The following PPP2R5E variants were observed in gnomAD, a reference collection of about 807,000 sequenced individuals.
PPP2R5E encodes the protein serine/threonine-protein phosphatase 2A 56 kDa regulatory subunit epsilon isoform.
PPP2R5E carries 4 observed loss-of-function variants against 65.3 expected under a neutral mutation model. The ratio of observed to expected loss-of-function variants is 0.06; its 90% CI spans 0.03 to 0.14. The LOEUF is 0.14. Among genes scored for constraint, PPP2R5E ranks in the 10% least tolerant of loss-of-function variants. The pLI, the probability that PPP2R5E is intolerant of heterozygous loss-of-function variation, is 1.00. For missense variants in PPP2R5E, 274 were observed against 556.1 expected, an observed-to-expected ratio of 0.49 and a Z score of 5.10; for synonymous variants, 183 against 187.4, an observed-to-expected ratio of 0.98 and a Z score of 0.19.
intron 2 of PPP2R5E, among the ~76,000 whole-genome samples, chr14:63,512,078 TAAAAAAAAA>T (rs57623942): frequency 6.9e-5 from 6 of 87,084 alleles, no homozygotes; most frequent in South Asian, 8.2e-4. Flanking sequence ...GACTCTGCGG[TAAAAAAAAA>T]AAAAAAAAAA....
Position 63,373,283 on chromosome 14 carries a change from G to A in PPP2R5E, c.*2726C>T, listed in dbSNP as rs922181405. On this transcript the variant is annotated 3_prime_UTR_variant, in exon 14 of 14. Transcript: ENST00000337537. Reference sequence around the variant, plus strand: ...AAAAATATATTTATATATAGTTCTGGAAATTATGAAGCAAACAAAATATAA... The same window carrying A: ...AAAAATATATTTATATATAGTTCTGAAAATTATGAAGCAAACAAAATATAA... 37 of 152,146 alleles carry A rather than the reference G, an allele frequency of 2.4e-4. No individual in the cohort carries two copies. The highest frequency in any genetic ancestry group is 7.5e-4 in the African/African-American group (31 of 41,432). 9.4% of individuals were successfully genotyped at this position (152,146 alleles called of 1,614,324 possible).
intron 2 of PPP2R5E, among the ~76,000 whole-genome samples, chr14:63,521,988 T>C (rs1265983091): frequency 8.6e-6 from 1 of 116,950 alleles, no homozygotes; most frequent in Non-Finnish European, 1.7e-5. Flanking sequence ...CTCCCTCTGA[T>C]ACCGAGCCGA....
chr14:63,461,640 T>TAAAAAACAAAA (rs1889467819), intron 2 of PPP2R5E, among the ~76,000 whole-genome samples: 1 of 139,790 alleles, frequency 7.2e-6, no homozygotes, highest in East Asian at 2.1e-4. Flanking sequence ...CTACAAAATT[T>TAAAAAACAAAA]AAAAAAAAAA....
intron 2 of PPP2R5E, among the ~76,000 whole-genome samples, chr14:63,470,401 C>T (rs1285169486): frequency 8.0e-6 from 1 of 125,786 alleles, no homozygotes; most frequent in Non-Finnish European, 1.6e-5. Flanking sequence ...AGCCCAGTTC[C>T]AACCCCAAGG....
intron 5 of PPP2R5E, among the ~76,000 whole-genome samples, chr14:63,409,359 AT>A (rs1886269497): frequency 6.6e-6 from 1 of 152,202 alleles, no homozygotes; most frequent in Admixed American, 6.5e-5. Flanking sequence ...GTGAGCTGAA[AT>A]TACACCTCTG....
intron 2 of PPP2R5E, among the ~76,000 whole-genome samples, chr14:63,528,222 A>G (rs79759419): frequency 0.012 from 1,826 of 152,304 alleles, 32 homozygotes; most frequent in African/African-American, 0.042. Flanking sequence ...TCTAATTACT[A>G]TTATGAGCCA....
intron 8 of PPP2R5E, among the ~76,000 whole-genome samples, chr14:63,392,692 G>A (rs1029228887): frequency 6.6e-6 from 1 of 152,162 alleles, no homozygotes; most frequent in Non-Finnish European, 1.5e-5. Flanking sequence ...CCTCGCAAAA[G>A]AACATTTTGA....
intron 2 of PPP2R5E, among the ~76,000 whole-genome samples, chr14:63,530,567 T>G (rs1465703173): frequency 6.6e-6 from 1 of 150,984 alleles, no homozygotes; most frequent in African/African-American, 2.4e-5. Flanking sequence ...GGGATGAATA[T>G]GAATGCAAGC....
chr14:63,542,459 T>A (rs998112642), intron 1 of PPP2R5E, among the ~76,000 whole-genome samples: 1 of 152,082 alleles, frequency 6.6e-6, no homozygotes, highest in African/African-American at 2.4e-5. Flanking sequence ...GACGATAAGC[T>A]GCTAGAGAAT....
intron 2 of PPP2R5E, among the ~76,000 whole-genome samples, chr14:63,472,934 C>A (rs1890203544): frequency 6.6e-6 from 1 of 152,076 alleles, no homozygotes; most frequent in Non-Finnish European, 1.5e-5. Context: ...TGAAGGGAGG[C>A]AATCAAATTA....
chr14:63,430,349 A>ACATACATACATACATGCATGCATG (rs1566696239), intron 3 of PPP2R5E, among the ~76,000 whole-genome samples: 11 of 103,650 alleles, frequency 1.1e-4, no homozygotes, highest in East Asian at 5.6e-4. Flanking sequence ...ACCCATGTAT[A>ACATACATACATACATGCATGCATG]CATACATACA....
intron 6 of PPP2R5E, 110 bp from the exon 7 acceptor site, chr14:63,395,395 AG>A (rs1594823905): frequency 2.5e-6 from 1 of 400,368 alleles, no homozygotes. Flanking sequence ...GAAGAGGAGG[AG>A]GAGGAGGAGA....
At chr14:63,464,913 T>C (rs10130074) in intron 2 of PPP2R5E, among the ~76,000 whole-genome samples, 49,941 of 151,584 alleles carry the variant, frequency 0.33, 10,952 homozygotes, top group African/African-American at 0.62. Flanking sequence ...GTTCCAGCTA[T>C]TTGGGAGGCT....
At chr14:63,413,358 T>A (rs1165755469) in intron 5 of PPP2R5E, among the ~76,000 whole-genome samples, 4 of 152,172 alleles carry the variant, frequency 2.6e-5, no homozygotes, top group Admixed American at 2.6e-4. Context: ...TCACAAAAAA[T>A]AGGAGAACCC....
chr14:63,441,677 C>T (rs113098612), intron 3 of PPP2R5E, among the ~76,000 whole-genome samples: 7 of 152,078 alleles, frequency 4.6e-5, no homozygotes, highest in East Asian at 1.9e-4. Context: ...TTTGGGAGGC[C>T]GAGGCGGGCA....
intron 2 of PPP2R5E, among the ~76,000 whole-genome samples, chr14:63,505,618 C>A (rs1892124166): frequency 6.6e-6 from 1 of 152,202 alleles, no homozygotes; most frequent in South Asian, 2.1e-4. Flanking sequence ...GAATCACAGC[C>A]TTCTGCACAC....
At chr14:63,379,538 C>T (rs1237446409) in intron 13 of PPP2R5E, among the ~76,000 whole-genome samples, 1 of 152,164 alleles carries the variant, frequency 6.6e-6, no homozygotes. Context: ...TCCCAAAGTG[C>T]TGCGATTACA....
chr14:63,535,926 A>T (rs756166749), intron 2 of PPP2R5E, among the ~76,000 whole-genome samples: 2 of 152,260 alleles, frequency 1.3e-5, no homozygotes, highest in Admixed American at 6.5e-5. Flanking sequence ...TTTATATTCC[A>T]TAAATTACTT....
chr14:63,501,822 AG>A (rs1308463923), intron 2 of PPP2R5E, among the ~76,000 whole-genome samples: 4 of 152,240 alleles, frequency 2.6e-5, no homozygotes, highest in South Asian at 2.1e-4. Flanking sequence ...TGCCAGTATT[AG>A]GGGAAGCAAT....
Sources: gnomAD v4.1 joint callset for allele counts (sites outside exome capture counted in the v4.1 genomes callset) on GRCh38, gnomAD v4.1.1 for gene constraint, MANE v1.5 for transcripts, NCBI Gene and HGNC (gene_info 2026-07-23, HGNC 2026-07-21) for gene names.